Variants in SDK2 observed in about 807,000 individuals in gnomAD.
The protein encoded by SDK2 is sidekick cell adhesion molecule 2.
SDK2 carries 105 observed loss-of-function variants against 253.9 expected under a neutral mutation model. The observed-to-expected ratio is 0.41, with a 90% CI of 0.35 to 0.49. The LOEUF is 0.49. Ranked by LOEUF, SDK2 falls within the 20% of genes least tolerant of loss-of-function variation. The pLI, the probability that SDK2 is intolerant of heterozygous loss-of-function variation, is 0.06. For missense variants in SDK2, 2,608 were observed against 3,003.0 expected, an observed-to-expected ratio of 0.87 and a Z score of 3.07; for synonymous variants, 1,249 against 1,234.9, an observed-to-expected ratio of 1.01 and a Z score of -0.24.
At chr17:73,374,842 C>T (rs2062764455) in intron 36 of SDK2, among the ~76,000 whole-genome samples, 1 of 152,170 alleles carries the variant, frequency 6.6e-6, no homozygotes, top group African/African-American at 2.4e-5. Flanking sequence ...CTGCTCTCAC[C>T]TGATCTGAGC....
rs192707978 is a variant in SDK2 at position 73,515,235 on chromosome 17, A to G, written c.65-7638T>C. On this transcript the variant is annotated intron_variant, in intron 1 of 44. Coordinates refer to ENST00000392650, the MANE Select transcript of SDK2 (RefSeq NM_001144952.2). ...AGGTTCCAGAGCTCTGGATCTTTCT[A>G]TTATTAGCATAAGACTTCCCAAAGC... 2.3e-4 allele frequency among the ~76,000 whole-genome samples: 35 copies of G among 152,328 alleles called. 1 individual carries two copies. The highest frequency in any genetic ancestry group is 2.1e-3 in the Admixed American group (32 of 15,314).
chr17:73,602,673 C>T (rs2045857416), intron 1 of SDK2, among the ~76,000 whole-genome samples: 2 of 151,968 alleles, frequency 1.3e-5, no homozygotes, highest in African/African-American at 4.8e-5. Flanking sequence ...TGGGCACTGT[C>T]CTTAAGTGAG....
At chr17:73,351,520 C>T (rs2062538411) in intron 41 of SDK2, among the ~76,000 whole-genome samples, 1 of 152,098 alleles carries the variant, frequency 6.6e-6, no homozygotes, top group Admixed American at 6.6e-5. Context: ...AGAGCTTTTC[C>T]TGAGGTTTAG....
intron 1 of SDK2, among the ~76,000 whole-genome samples, chr17:73,608,825 T>G (rs1447633282): frequency 6.6e-6 from 1 of 152,180 alleles, no homozygotes; most frequent in East Asian, 1.9e-4. Context: ...AGATCATGTC[T>G]ATTTTTAAAG....
At chr17:73,348,051 C>A (rs777882151) in intron 44 of SDK2, among the ~76,000 whole-genome samples, 1 of 152,208 alleles carries the variant, frequency 6.6e-6, no homozygotes, top group Non-Finnish European at 1.5e-5. Flanking sequence ...CCCAGGACAT[C>A]CCAGGTCACG....
At chr17:73,449,939 C>A (rs1334117153) in intron 4 of SDK2, among the ~76,000 whole-genome samples, 1 of 151,054 alleles carries the variant, frequency 6.6e-6, no homozygotes, top group African/African-American at 2.4e-5. Context: ...ACAAAACAAA[C>A]AAACAAACAA....
chr17:73,377,071 A>ACCTGTGGGATGAGGTGCCTTGTGT, intron 36 of SDK2, among the ~76,000 whole-genome samples: 1 of 151,848 alleles, frequency 6.6e-6, no homozygotes, highest in East Asian at 1.9e-4. Context: ...CCTACTCCCC[A>ACCTGTGGGATGAGGTGCCTTGTGT]CTTAAGCCAT....
Position 73,443,478 on chromosome 17 carries a change from A to T in SDK2, c.614-2555T>A, listed in dbSNP as rs2063430941. 6.6e-6 allele frequency among the ~76,000 whole-genome samples: 1 copy of T among 152,246 alleles called. No homozygotes were observed. The highest frequency in any genetic ancestry group is 2.4e-5 in the African/African-American group (1 of 41,474). On this transcript the variant is annotated intron_variant, in intron 5 of 44. Transcript: ENST00000392650. This position sits in a 1 kb window ranked among gnomAD's most constrained non-coding sequence, Gnocchi z 4.6. ...TTAATGGGGCACAAGTAAGAGACAG[A>T]CAGTTAGAGCCCAAGCCAGAGCGCC... is the stretch of plus-strand genomic sequence containing the variant.
intron 1 of SDK2, among the ~76,000 whole-genome samples, chr17:73,545,515 G>A (rs1037596007): frequency 5.3e-5 from 8 of 152,182 alleles, no homozygotes; most frequent in African/African-American, 9.7e-5. Flanking sequence ...GAAGGGGTGC[G>A]TTTGAGCTAA....
rs535645193 is a variant in SDK2 at position 73,593,233 on chromosome 17, T to G, written c.64+50792A>C. Among the ~76,000 whole-genome samples the G allele has an allele frequency of 1.2e-3, 180 of 152,316 alleles. 1 individual carries two copies. The highest frequency in any genetic ancestry group is 2.0e-3 in the Non-Finnish European group (133 of 68,020). ...GTGTGGATGTGGGGCTCTGTGGTCC[T>G]TCTGTCATCCCTGGATCCAGAGTTA... On this transcript the variant is annotated intron_variant, in intron 1 of 44. Coordinates refer to ENST00000392650, the MANE Select transcript of SDK2 (RefSeq NM_001144952.2).
intron 2 of SDK2, among the ~76,000 whole-genome samples, chr17:73,499,859 CTGTGTGTGTG>C (rs59872387): frequency 0.075 from 10,950 of 145,588 alleles, 712 homozygotes; most frequent in African/African-American, 0.19. Context: ...GCATGGGAAT[CTGTGTGTGTG>C]TGTGTGTGTG....
At chr17:73,414,011 T>C (rs767297498) in intron 18 of SDK2, among the ~76,000 whole-genome samples, 11 of 152,052 alleles carry the variant, frequency 7.2e-5, no homozygotes, top group Non-Finnish European at 1.6e-4. Flanking sequence ...GGGCCATGGC[T>C]ATACCAGGTG....
intron 1 of SDK2, among the ~76,000 whole-genome samples, chr17:73,598,772 A>T (rs551851595): frequency 4.6e-5 from 7 of 152,220 alleles, no homozygotes; most frequent in African/African-American, 1.4e-4. Flanking sequence ...GGAAGGTGGG[A>T]GAGGCACTGG....
intron 2 of SDK2, among the ~76,000 whole-genome samples, chr17:73,488,830 G>A (rs966779141): frequency 4.6e-5 from 7 of 151,970 alleles, no homozygotes; most frequent in Admixed American, 1.3e-4. Flanking sequence ...AAGTTTTTGC[G>A]TGTTGCTGCC....
chr17:73,503,777 G>T (rs2063909297), intron 2 of SDK2, among the ~76,000 whole-genome samples: 1 of 152,232 alleles, frequency 6.6e-6, no homozygotes, highest in Admixed American at 6.5e-5. Flanking sequence ...CAATCAGGGT[G>T]CTCCATGCTG....
At chr17:73,499,721 C>A (rs567920242) in intron 2 of SDK2, among the ~76,000 whole-genome samples, 1 of 152,220 alleles carries the variant, frequency 6.6e-6, no homozygotes, top group Non-Finnish European at 1.5e-5. Flanking sequence ...GTTTCTGACC[C>A]TCTCTGAACT....
At chr17:73,388,110 G>T in intron 29 of SDK2, 73 bp from the exon 30 acceptor site, 1 of 1,018,352 alleles carries the variant, frequency 9.8e-7, no homozygotes, top group Non-Finnish European at 1.5e-6. Context: ...CTTTCTCGAG[G>T]GAGGAAAGGA....
intron 1 of SDK2, 115 bp from the exon 2 acceptor site, chr17:73,507,712 C>T: frequency 8.7e-7 from 1 of 1,147,936 alleles, no homozygotes. Flanking sequence ...AGGTAATTTG[C>T]CCAAGGTCCC....
At chr17:73,614,636 A>AAACTACCTATC in intron 1 of SDK2, among the ~76,000 whole-genome samples, 1 of 47,744 alleles carries the variant, frequency 2.1e-5, no homozygotes. Flanking sequence ...AAGGATTGAA[A>AAACTACCTATC]AGGGGGAGGG....
Sources: allele counts gnomAD v4.1 joint callset (sites outside exome capture counted in the v4.1 genomes callset), GRCh38; gene constraint gnomAD v4.1.1; non-coding constraint Gnocchi (gnomAD v3.1); transcripts MANE v1.5; gene names NCBI Gene and HGNC (gene_info 2026-07-23, HGNC 2026-07-21).